Variants in SLC31A1 observed in about 807,000 individuals in gnomAD.
SLC31A1 encodes the protein solute carrier family 31 member 1, also known as high affinity copper uptake protein 1.
SLC31A1 carries 5 observed loss-of-function variants against 17.2 expected under a neutral mutation model. The observed-to-expected ratio is 0.29, with a 90% confidence interval of 0.15 to 0.61. The LOEUF (loss-of-function observed/expected upper bound fraction) is 0.61, where lower values mean the gene tolerates loss of function less well. Among genes scored for constraint, SLC31A1 ranks in the 20% least tolerant of loss-of-function variants. The pLI is 0.86. For missense variants in SLC31A1, 161 were observed against 241.4 expected (o/e 0.67, Z 2.21); for synonymous variants, 76 against 78.8 (o/e 0.96, Z 0.19).
intron 1 of SLC31A1, among the ~76,000 whole-genome samples, chr9:113,253,207 G>A (rs1395516702): frequency 2.6e-5 from 4 of 151,876 alleles, no homozygotes; most frequent in African/African-American, 4.8e-5. Flanking sequence ...CGCCTGCCTC[G>A]GCCTCCCAAA....
intron 1 of SLC31A1, among the ~76,000 whole-genome samples, chr9:113,225,270 C>T (rs1370041322): frequency 6.6e-6 from 1 of 152,092 alleles, no homozygotes; most frequent in Non-Finnish European, 1.5e-5. Context: ...GGCAACAGTT[C>T]ACAGAAGAAA....
rs1021231329 is a variant in SLC31A1, at chr9:113,246,497, G to A, written c.-35-9617G>A. On this transcript the variant is annotated intron_variant, in intron 1 of 4. Transcript: ENST00000374212. ...CTCCTGAGTAGCTGGGACTATAGGCGCGTGCCACCACGCCCGGCTAATTTT... is the reference window on the plus strand; with the variant it reads ...CTCCTGAGTAGCTGGGACTATAGGCACGTGCCACCACGCCCGGCTAATTTT... Among the ~76,000 whole-genome samples the A allele has an allele frequency of 3.7e-4, 56 of 150,920 alleles. 1 individual carries two copies. The highest frequency in any genetic ancestry group is 7.3e-5 in the African/African-American group (3 of 40,946).
At chr9:113,225,699 GAT>G (rs1831332437) in intron 1 of SLC31A1, among the ~76,000 whole-genome samples, 1 of 152,180 alleles carries the variant, frequency 6.6e-6, no homozygotes. Context: ...AAGAGTCTTT[GAT>G]TCCTAAGTCT....
chr9:113,238,703 A>G (rs10759632), intron 1 of SLC31A1, among the ~76,000 whole-genome samples: 49,144 of 152,132 alleles, frequency 0.32, 8,074 homozygotes, highest in African/African-American at 0.35. Flanking sequence ...CAGAGGTTGC[A>G]GAGATCGTGA....
In SLC31A1 at chr9:113,257,127, C is replaced by T. The variant is rs1481924622; in HGVS notation, c.144C>T (p.Tyr48=). The T allele has an allele frequency of 4.0e-5, 64 of 1,613,784 alleles. No homozygotes were observed. Among genetic ancestry groups the T allele is most frequent in the Non-Finnish European group, 5.3e-5 (62 of 1,179,870 alleles). The change falls in exon 3 of 5, where the codon TAC becomes TAT. Residue 48 remains tyrosine (Y), a synonymous_variant. Transcript: ENST00000374212. ...SSMMMMPMTF[Y]FGFKNVELLF... ...TTTTCTGGCAGCCTATGACCTTCTA[C>T]TTTGGCTTTAAGAATGTGGAACTAC... is the stretch of plus-strand genomic sequence containing the variant.
At chr9:113,257,271 G>A (rs1293886989) in intron 3 of SLC31A1, 86 bp downstream of exon 3, 5 of 1,108,532 alleles carry the variant, frequency 4.5e-6, no homozygotes, top group Admixed American at 1.7e-5. Flanking sequence ...ACCTCTTTCT[G>A]TCCTAATTAC....
chr9:113,261,185 C>T lies in SLC31A1; in HGVS notation c.*712C>T, dbSNP rs1298753563. Reference sequence around the variant, plus strand: ...GCTGAGGCAGGAGAATCACTTGAACCTAGGAGGCGGAGGTTGCAGTGAGCC... The same window carrying T: ...GCTGAGGCAGGAGAATCACTTGAACTTAGGAGGCGGAGGTTGCAGTGAGCC... On this transcript the variant is annotated 3_prime_UTR_variant, in exon 5 of 5. Transcript: ENST00000374212. 4 of 153,182 alleles carry T rather than the reference C, an allele frequency of 2.6e-5. No individual in the cohort carries two copies. The highest frequency in any genetic ancestry group is 5.8e-5 in the Non-Finnish European group (4 of 68,738). 9.5% of individuals were successfully genotyped at this position (153,182 alleles called of 1,614,324 possible). A position where few individuals can be genotyped will look rare whatever the true frequency, so the allele number is the denominator to read the frequency against.
chr9:113,248,450 T>G (rs1406124376), intron 1 of SLC31A1, among the ~76,000 whole-genome samples: 1 of 149,272 alleles, frequency 6.7e-6, no homozygotes, highest in Admixed American at 6.7e-5. Flanking sequence ...AGAAAGATAC[T>G]TGAAAGCAGT....
At chr9:113,234,590 G>A (rs1055976248) in intron 1 of SLC31A1, among the ~76,000 whole-genome samples, 24 of 146,168 alleles carry the variant, frequency 1.6e-4, no homozygotes, top group Non-Finnish European at 3.3e-4. Context: ...TCAGAACTGT[G>A]GTTCTCAAGC....
At chr9:113,233,721 C>A (rs948569704) in intron 1 of SLC31A1, among the ~76,000 whole-genome samples, 1 of 152,098 alleles carries the variant, frequency 6.6e-6, no homozygotes, top group African/African-American at 2.4e-5. Context: ...ACTCTGTGAC[C>A]TTTTTGGAAT....
At chr9:113,229,751 T>G (rs1454569136) in intron 1 of SLC31A1, among the ~76,000 whole-genome samples, 1 of 152,162 alleles carries the variant, frequency 6.6e-6, no homozygotes, top group African/African-American at 2.4e-5. Flanking sequence ...TGAAAATGAT[T>G]AGTGGAAAAG....
At chr9:113,252,396 AG>A (rs1335643360) in intron 1 of SLC31A1, among the ~76,000 whole-genome samples, 1 of 151,938 alleles carries the variant, frequency 6.6e-6, no homozygotes, top group African/African-American at 2.4e-5. Flanking sequence ...CCCGGGTTCA[AG>A]CGATTCTCCT....
At chr9:113,239,979 T>C (rs1831504014) in intron 1 of SLC31A1, among the ~76,000 whole-genome samples, 2 of 152,238 alleles carry the variant, frequency 1.3e-5, no homozygotes, top group South Asian at 2.1e-4. Flanking sequence ...CCTTGATCCC[T>C]TATTTCTTCT....
chr9:113,253,347 C>T (rs918074770), intron 1 of SLC31A1, among the ~76,000 whole-genome samples: 6 of 152,070 alleles, frequency 3.9e-5, no homozygotes, highest in Non-Finnish European at 5.9e-5. Context: ...CCATAATTAC[C>T]TCTTTATCTG....
At chr9:113,242,056 G>A (rs1831527114) in intron 1 of SLC31A1, among the ~76,000 whole-genome samples, 1 of 152,208 alleles carries the variant, frequency 6.6e-6, no homozygotes, top group Admixed American at 6.5e-5. Flanking sequence ...AGGCATGGTA[G>A]CGGGCGCCTG....
intron 1 of SLC31A1, among the ~76,000 whole-genome samples, chr9:113,239,151 G>A (rs576719830): frequency 3.3e-5 from 5 of 152,058 alleles, no homozygotes; most frequent in South Asian, 2.1e-4. Flanking sequence ...TAGTAGAGCC[G>A]GGATTTGAAT....
At chr9:113,257,614 T>A (rs1831743465) in intron 3 of SLC31A1, among the ~76,000 whole-genome samples, 1 of 151,454 alleles carries the variant, frequency 6.6e-6, no homozygotes, top group Admixed American at 6.6e-5. Context: ...GCCTCCTGAG[T>A]AGCTGGAGTT....
rs1490688146 is a variant in SLC31A1, at chr9:113,257,133, C to G, written c.150C>G (p.Gly50=). The G allele has an allele frequency of 6.2e-7, 1 of 1,613,818 alleles. No individual in the cohort carries two copies. The highest frequency in any genetic ancestry group is 1.1e-5 in the South Asian group (1 of 91,082). ...GGCAGCCTATGACCTTCTACTTTGG[C>G]TTTAAGAATGTGGAACTACTGTTTT... is the stretch of plus-strand genomic sequence containing the variant. The part of the protein sequence containing the change: ...MMMMPMTFYF[G]FKNVELLFSG... Residue 50 remains glycine (G), a synonymous_variant, in exon 3 of 5, where the codon GGC becomes GGG. Coordinates refer to ENST00000374212, the MANE Select transcript of SLC31A1 (RefSeq NM_001859.4).
At chr9:113,254,853 C>G (rs1483429995) in intron 1 of SLC31A1, among the ~76,000 whole-genome samples, 2 of 151,222 alleles carry the variant, frequency 1.3e-5, no homozygotes, top group East Asian at 3.9e-4. Context: ...GAGCCGAGAT[C>G]ACACCACTGC....
Sources: allele counts gnomAD v4.1 joint callset (sites outside exome capture counted in the v4.1 genomes callset), GRCh38; gene constraint gnomAD v4.1.1; transcripts MANE v1.5; gene names NCBI Gene and HGNC (gene_info 2026-07-23, HGNC 2026-07-21).